TAX1BP1: variants seen among roughly 807,000 people sequenced by gnomAD.
The protein encoded by TAX1BP1 is Tax1 binding protein 1.
In TAX1BP1, 62 loss-of-function variants were observed where a neutral mutation model predicts 97.7. The ratio of observed to expected loss-of-function variants is 0.63; its 90% confidence interval spans 0.52 to 0.78. The LOEUF (loss-of-function observed/expected upper bound fraction) is 0.78. TAX1BP1 is among the 30% of genes least tolerant of loss of function. The pLI is 0.00. For missense variants in TAX1BP1, 867 were observed against 916.1 expected (o/e 0.95, Z 0.69); for synonymous variants, 340 against 304.2 (o/e 1.12, Z -1.23).
At chr7:27,798,418 C>G in intron 12 of TAX1BP1, among the ~76,000 whole-genome samples, 1 of 151,844 alleles carries the variant, frequency 6.6e-6, no homozygotes, top group East Asian at 1.9e-4. Flanking sequence ...AATCCCAGCA[C>G]TTTGGGAGGC....
At position 27,792,004 on chromosome 7, in the gene TAX1BP1, A is replaced by G; in HGVS notation, c.1039-2A>G. On this transcript the variant is annotated splice_acceptor_variant, in intron 8 of 16. Coordinates refer to ENST00000396319, the MANE Select transcript of TAX1BP1 (RefSeq NM_006024.7). LOFTEE classifies it high-confidence loss of function. ...ACAAATATATTTATCTGCTTTCTTC[A>G]GGAAGATACTTGTTTTTTAAAGGAG... 1 of 1,613,108 alleles carries G rather than the reference A, an allele frequency of 6.2e-7. No individual in the cohort carries two copies.
At chr7:27,820,844 A>T (rs993488690) in intron 15 of TAX1BP1, among the ~76,000 whole-genome samples, 6 of 152,238 alleles carry the variant, frequency 3.9e-5, no homozygotes, top group Non-Finnish European at 5.9e-5. Flanking sequence ...GAAAAAATAG[A>T]TATAGGTTGA....
chr7:27,762,611 A>G (rs1788469430), intron 3 of TAX1BP1, among the ~76,000 whole-genome samples: 1 of 152,194 alleles, frequency 6.6e-6, no homozygotes, highest in Non-Finnish European at 1.5e-5. Flanking sequence ...AAAAGTGGTT[A>G]AAAAGTAGAG....
At chr7:27,765,697 C>T (rs773705725) in intron 3 of TAX1BP1, 137 bp from the exon 4 acceptor site, 20 of 740,876 alleles carry the variant, frequency 2.7e-5, no homozygotes, top group South Asian at 2.5e-4. Context: ...TGATAATTTG[C>T]GAAAGGAGGA....
intron 7 of TAX1BP1, among the ~76,000 whole-genome samples, chr7:27,786,350 G>A (rs1481743120): frequency 6.6e-6 from 1 of 152,036 alleles, no homozygotes; most frequent in Non-Finnish European, 1.5e-5. Context: ...AGCCAGGATG[G>A]TCTCGATCTC....
intron 3 of TAX1BP1, 128 bp from the exon 4 acceptor site, chr7:27,765,706 G>A (rs1788604838): frequency 1.2e-6 from 1 of 803,552 alleles, no homozygotes; most frequent in Non-Finnish European, 1.9e-6. Context: ...GCGAAAGGAG[G>A]AAGGACATAT....
chr7:27,807,947 A>G (rs1275805686), intron 13 of TAX1BP1, among the ~76,000 whole-genome samples: 1 of 152,166 alleles, frequency 6.6e-6, no homozygotes, highest in Admixed American at 6.5e-5. Context: ...GATTTAACTA[A>G]TAAGAGCCCC....
intron 13 of TAX1BP1, among the ~76,000 whole-genome samples, chr7:27,814,675 T>A (rs1386071708): frequency 6.6e-6 from 1 of 152,180 alleles, no homozygotes; most frequent in Non-Finnish European, 1.5e-5. Flanking sequence ...TATGTAGAAA[T>A]ACAATTGATT....
chr7:27,796,631 G>A (rs1562728654), intron 12 of TAX1BP1, among the ~76,000 whole-genome samples: 1 of 152,178 alleles, frequency 6.6e-6, no homozygotes, highest in Non-Finnish European at 1.5e-5. Context: ...GGAGGTCGAC[G>A]TGGGTGGATC....
intron 2 of TAX1BP1, among the ~76,000 whole-genome samples, 158 bp from the exon 3 acceptor site, chr7:27,757,873 T>G (rs1287507973): frequency 6.6e-6 from 1 of 152,170 alleles, no homozygotes; most frequent in Non-Finnish European, 1.5e-5. Flanking sequence ...GTAGTTTAAT[T>G]TAGAAATAAT....
At position 27,787,476 on chromosome 7, in the gene TAX1BP1, TAAA is replaced by T; in HGVS notation, c.915_917del (p.Lys305del). The T allele has an allele frequency of 6.2e-7, 1 of 1,613,556 alleles. No homozygotes were observed. Among genetic ancestry groups the T allele is most frequent in the African/African-American group, 1.3e-5 (1 of 75,024 alleles). On this transcript the variant is annotated inframe_deletion, in exon 8 of 17. Coordinates refer to ENST00000396319, the MANE Select transcript of TAX1BP1 (RefSeq NM_006024.7). The stretch of plus-strand genomic sequence containing the variant: ...AAGCTTATGTCAGAGGTCCAGACTT[TAAA>T]AAATTTAGATGGGAACAAAGAAAGC...
chr7:27,812,523 C>A (rs1790597039), intron 13 of TAX1BP1, among the ~76,000 whole-genome samples: 1 of 152,058 alleles, frequency 6.6e-6, no homozygotes, highest in Non-Finnish European at 1.5e-5. Flanking sequence ...TGTCTTAATG[C>A]TTCATGCTGT....
chr7:27,810,676 A>G (rs756797723), intron 13 of TAX1BP1, among the ~76,000 whole-genome samples: 6 of 152,102 alleles, frequency 3.9e-5, no homozygotes, highest in Non-Finnish European at 5.9e-5. Flanking sequence ...TGCCTGAGAC[A>G]GGGTCTTGCC....
At chr7:27,814,022 A>G (rs934934703) in intron 13 of TAX1BP1, among the ~76,000 whole-genome samples, 1 of 151,936 alleles carries the variant, frequency 6.6e-6, no homozygotes, top group Non-Finnish European at 1.5e-5. Flanking sequence ...GTTGAAAGAA[A>G]TAACTCCTCA....
Position 27,827,771 on chromosome 7 carries a change from C to G in TAX1BP1, c.2119C>G (p.Pro707Ala). The G allele has an allele frequency of 6.2e-7, 1 of 1,613,994 alleles. No homozygotes were observed. The highest frequency in any genetic ancestry group is 2.2e-5 in the East Asian group (1 of 44,882). The change falls in exon 16 of 17, where the codon CCA (proline) becomes GCA (alanine). Residue 707 changes from proline to alanine, a missense_variant. By Grantham distance (27) the Pro-to-Ala change is conservative. Transcript: ENST00000396319. The stretch of plus-strand genomic sequence containing the variant: ...GAATGTGCCTACTGCTCCTGATCCT[C>G]CAAGTCAACATTTACGTGGGCATGG... ...DENVPTAPDP[P>A]SQHLRGHGTG...
At chr7:27,821,651 G>A (rs73075340) in intron 15 of TAX1BP1, among the ~76,000 whole-genome samples, 19,805 of 139,994 alleles carry the variant, frequency 0.14, 1,396 homozygotes, top group African/African-American at 0.18. Context: ...AAAAAAAAAA[G>A]TAGTTAATTT....
At chr7:27,791,182 A>G (rs1295932263) in intron 8 of TAX1BP1, among the ~76,000 whole-genome samples, 1 of 152,122 alleles carries the variant, frequency 6.6e-6, no homozygotes, top group African/African-American at 2.4e-5. Flanking sequence ...GTCCATGCCA[A>G]CACTGCATAA....
At chr7:27,781,219 T>G (rs1298491302) in intron 5 of TAX1BP1, among the ~76,000 whole-genome samples, 3 of 152,206 alleles carry the variant, frequency 2.0e-5, no homozygotes, top group African/African-American at 7.2e-5. Flanking sequence ...GATTTTTCAG[T>G]GAATTGAAGG....
chr7:27,807,651 T>C (rs1444417167), intron 13 of TAX1BP1, among the ~76,000 whole-genome samples: 1 of 152,158 alleles, frequency 6.6e-6, no homozygotes, highest in East Asian at 1.9e-4. Context: ...AAATTAATAT[T>C]TTCCCTTTGT....
Sources: allele counts gnomAD v4.1 joint callset (sites outside exome capture counted in the v4.1 genomes callset), GRCh38; gene constraint gnomAD v4.1.1; transcripts MANE v1.5; gene names NCBI Gene and HGNC (gene_info 2026-07-23, HGNC 2026-07-21).